Variants in FAM178B observed in about 807,000 individuals in gnomAD.
The protein encoded by FAM178B is family with sequence similarity 178 member B.
Under a neutral mutation model 91.7 loss-of-function variants are expected in FAM178B, and 82 were observed. The observed-to-expected ratio is 0.89, with a 90% CI of 0.75 to 1.07. The LOEUF is 1.07. Ranked by LOEUF, FAM178B falls within the 50% of genes least tolerant of loss-of-function variation. The pLI, the probability that FAM178B is intolerant of heterozygous loss-of-function variation, is 0.00. For synonymous variants in FAM178B, 368 were observed against 359.4 expected, an observed-to-expected ratio of 1.02 and a Z score of -0.27; for missense variants, 769 against 846.7, an observed-to-expected ratio of 0.91 and a Z score of 1.14.
At chr2:96,925,152 C>T (rs573275515) in intron 9 of FAM178B, among the ~76,000 whole-genome samples, 12 of 152,282 alleles carry the variant, frequency 7.9e-5, no homozygotes, top group East Asian at 7.7e-4. Flanking sequence ...GTGCAACACG[C>T]GCAGCCATAG....
chr2:96,908,568 G>A (rs2081097028), intron 12 of FAM178B, among the ~76,000 whole-genome samples: 2 of 152,260 alleles, frequency 1.3e-5, no homozygotes, highest in South Asian at 4.1e-4. Flanking sequence ...CAGGTAAAAT[G>A]AATCTATGTG....
intron 5 of FAM178B, among the ~76,000 whole-genome samples, chr2:96,962,648 T>C (rs1009768368): frequency 4.6e-5 from 7 of 152,126 alleles, no homozygotes; most frequent in Non-Finnish European, 8.8e-5. Flanking sequence ...TAAAGGATGA[T>C]GTTGTGGTTT....
chr2:96,934,887 C>T (rs1218888908), intron 8 of FAM178B, among the ~76,000 whole-genome samples: 2 of 152,228 alleles, frequency 1.3e-5, no homozygotes, highest in Non-Finnish European at 2.9e-5. Context: ...ACCTCCCTAC[C>T]TGGCTATAAC....
chr2:96,919,112 G>C (rs1423475255), intron 12 of FAM178B, among the ~76,000 whole-genome samples: 2 of 152,234 alleles, frequency 1.3e-5, no homozygotes, highest in Admixed American at 1.3e-4. Flanking sequence ...TGGTGTCTGA[G>C]GGGTTCTGGA....
chr2:96,978,015 C>T (rs1287118585), intron 1 of FAM178B: 2 of 411,058 alleles, frequency 4.9e-6, no homozygotes, highest in South Asian at 1.7e-5. Context: ...AACGTCATTG[C>T]TAACGGAAAA....
intron 11 of FAM178B, 46 bp downstream of exon 11, chr2:96,921,432 C>T (rs1190029215): frequency 3.9e-6 from 6 of 1,549,702 alleles, no homozygotes; most frequent in Middle Eastern, 1.7e-4. Flanking sequence ...CACCTTGGTC[C>T]CTAGTGATGA....
chr2:96,903,972 G>A lies in FAM178B; in HGVS notation c.1563-1265C>T, dbSNP rs547654645. ...AAGCAGAACAAGCAGCAGCAGCACC[G>A]CACCCCAGAAGAGCCAACACGAGCT... On this transcript the variant is annotated intron_variant, in intron 12 of 16. Coordinates refer to ENST00000490605, the MANE Select transcript of FAM178B (RefSeq NM_001122646.3). Among the ~76,000 whole-genome samples, 24 of 151,990 alleles carry A rather than the reference G, an allele frequency of 1.6e-4. No individual in the cohort carries two copies. In the South Asian group the frequency reaches 4.4e-3, roughly 28 times the overall value.
chr2:96,907,140 C>G (rs777126696), intron 12 of FAM178B, among the ~76,000 whole-genome samples: 4 of 152,100 alleles, frequency 2.6e-5, no homozygotes, highest in Non-Finnish European at 4.4e-5. Flanking sequence ...ATGTGAGTGG[C>G]GAGCCCCCTT....
At chr2:96,900,572 T>C (rs1356045502) in intron 13 of FAM178B, among the ~76,000 whole-genome samples, 1 of 151,744 alleles carries the variant, frequency 6.6e-6, no homozygotes, top group Non-Finnish European at 1.5e-5. Context: ...GATCAGGGGG[T>C]GGCCACCAGG....
At chr2:96,969,903 G>A (rs2082194109) in intron 4 of FAM178B, among the ~76,000 whole-genome samples, 2 of 152,334 alleles carry the variant, frequency 1.3e-5, no homozygotes, top group African/African-American at 2.4e-5. Context: ...TGAGGAGGGT[G>A]GAAAGAGTGG....
intron 16 of FAM178B, 77 bp downstream of exon 16, chr2:96,877,813 A>G (rs1047773063): frequency 5.6e-6 from 8 of 1,434,292 alleles, no homozygotes; most frequent in Non-Finnish European, 7.6e-6. Flanking sequence ...GCGGGGGTGG[A>G]TGTGCTGGTG....
intron 5 of FAM178B, among the ~76,000 whole-genome samples, chr2:96,967,171 T>C (rs2082153159): frequency 6.6e-6 from 1 of 152,214 alleles, no homozygotes; most frequent in African/African-American, 2.4e-5. Context: ...AAATCTCACA[T>C]GGTCGTAACC....
At chr2:96,876,628 C>T (rs2080248439) in intron 16 of FAM178B, among the ~76,000 whole-genome samples, 1 of 152,196 alleles carries the variant, frequency 6.6e-6, no homozygotes, top group African/African-American at 2.4e-5. Flanking sequence ...GTTCTCCAGC[C>T]TTCTCAGAGA....
At chr2:96,940,428 G>A (rs2081708889) in intron 8 of FAM178B, among the ~76,000 whole-genome samples, 1 of 152,152 alleles carries the variant, frequency 6.6e-6, no homozygotes, top group African/African-American at 2.4e-5. Flanking sequence ...GAGGCAGATC[G>A]GGTGGGGCGA....
intron 1 of FAM178B, 33 bp downstream of exon 1, chr2:96,986,208 G>C: frequency 6.5e-7 from 1 of 1,534,068 alleles, no homozygotes; most frequent in Non-Finnish European, 8.7e-7. Flanking sequence ...CTAACCACGC[G>C]CCCCTGCGGT....
rs564096805 is a variant in FAM178B, at chr2:96,900,009, C to T, written c.1650+2611G>A. ...ACTTCCCCTCTGCCACTCTGACCTC[C>T]ACCAGGAAGGCAGCCCCACCAAGCT... is the stretch of plus-strand genomic sequence containing the variant. On this transcript the variant is annotated intron_variant, in intron 13 of 16. Coordinates refer to ENST00000490605, the MANE Select transcript of FAM178B (RefSeq NM_001122646.3). Among the ~76,000 whole-genome samples, 400 of 152,070 alleles carry T rather than the reference C, an allele frequency of 2.6e-3. 1 individual carries two copies. The highest frequency in any genetic ancestry group is 9.0e-3 in the African/African-American group (374 of 41,482).
chr2:96,961,872 C>T (rs771992925), intron 5 of FAM178B, among the ~76,000 whole-genome samples: 2 of 152,204 alleles, frequency 1.3e-5, no homozygotes, highest in Non-Finnish European at 2.9e-5. Flanking sequence ...GCTGCAGACC[C>T]GGGAGGACTC....
intron 12 of FAM178B, 83 bp downstream of exon 12, chr2:96,921,082 C>T (rs1469003422): frequency 8.6e-7 from 1 of 1,161,404 alleles, no homozygotes; most frequent in Admixed American, 2.0e-5. Flanking sequence ...TTTGTTGGGG[C>T]TGATGGGGAG....
intron 12 of FAM178B, among the ~76,000 whole-genome samples, chr2:96,915,133 G>A (rs767203237): frequency 4.7e-5 from 7 of 149,156 alleles, no homozygotes; most frequent in Admixed American, 1.3e-4. Context: ...TTTTTGAGAC[G>A]AAGTCTCACT....
Sources: allele counts gnomAD v4.1 joint callset (sites outside exome capture counted in the v4.1 genomes callset), GRCh38; gene constraint gnomAD v4.1.1; transcripts MANE v1.5; gene names NCBI Gene and HGNC (gene_info 2026-07-23, HGNC 2026-07-21).